The following MAP2 variants were observed in gnomAD, a reference collection of about 807,000 sequenced individuals.
The protein encoded by MAP2 is microtubule-associated protein 2.
In MAP2, 14 loss-of-function variants were observed where a neutral mutation model predicts 137.6. The ratio of observed to expected loss-of-function variants is 0.10; its 90% CI spans 0.07 to 0.16. The LOEUF (loss-of-function observed/expected upper bound fraction) is 0.16, where lower values mean the gene tolerates loss of function less well. Among genes scored for constraint, MAP2 ranks in the 10% least tolerant of loss-of-function variants. MAP2 has a pLI of 1.00. For missense variants in MAP2, 2,088 were observed against 2,191.5 expected, an observed-to-expected ratio of 0.95 and a Z score of 0.94; for synonymous variants, 786 against 782.3, an observed-to-expected ratio of 1.00 and a Z score of -0.08.
intron 2 of MAP2, among the ~76,000 whole-genome samples, chr2:209,555,955 G>A (rs915229255): frequency 1.3e-5 from 2 of 149,722 alleles, no homozygotes; most frequent in Admixed American, 6.6e-5. Flanking sequence ...AATGGTATTA[G>A]TTCTGGAAAA....
Position 209,631,026 on chromosome 2 carries a change from A to G in MAP2, c.-30+5897A>G, listed in dbSNP as rs1176060174. On this transcript the variant is annotated intron_variant, in intron 4 of 15. Coordinates refer to ENST00000682079, the MANE Select transcript of MAP2 (RefSeq NM_001375505.1). ...CAAGCAAAAAAAAAAAAAAAAAAAA[A>G]AAAAAAAAAGAGAGAGAGAGAGCGA... is the stretch of plus-strand genomic sequence containing the variant. Among the ~76,000 whole-genome samples the G allele has an allele frequency of 2.1e-4, 30 of 143,020 alleles. 1 individual carries two copies. Among genetic ancestry groups the G allele is most frequent in the African/African-American group, 7.8e-4 (30 of 38,484 alleles). The allele number at this position is 143,020 out of a possible 152,430, so 93.8% of individuals were successfully genotyped here.
At chr2:209,692,587 G>C in intron 7 of MAP2, 38 bp from the exon 8 acceptor site, 3 of 1,520,912 alleles carry the variant, frequency 2.0e-6, no homozygotes, top group Non-Finnish European at 2.6e-6. Context: ...GAACGCACTT[G>C]CCTATTATTT....
chr2:209,635,677 T>C (rs921686555), intron 4 of MAP2, among the ~76,000 whole-genome samples: 1 of 135,656 alleles, frequency 7.4e-6, no homozygotes, highest in East Asian at 2.1e-4. Flanking sequence ...TCAATTTATC[T>C]GCTAAAAAAA....
chr2:209,529,333 A>C (rs1476789428), intron 2 of MAP2, among the ~76,000 whole-genome samples: 6 of 152,196 alleles, frequency 3.9e-5, no homozygotes, highest in African/African-American at 1.4e-4. Context: ...AAACCGACTT[A>C]TAGTTAATGC....
At chr2:209,518,113 A>C (rs578224074) in intron 2 of MAP2, among the ~76,000 whole-genome samples, 3 of 152,186 alleles carry the variant, frequency 2.0e-5, no homozygotes, top group Admixed American at 1.3e-4. Context: ...GTGCAGTTCC[A>C]ATACAACTGA....
At chr2:209,555,669 T>C (rs138617647) in intron 2 of MAP2, among the ~76,000 whole-genome samples, 1 of 152,354 alleles carries the variant, frequency 6.6e-6, no homozygotes, top group African/African-American at 2.4e-5. Context: ...ATTTATCCAT[T>C]CAGCATTTGT....
chr2:209,473,950 T>C (rs1224149439), intron 1 of MAP2, among the ~76,000 whole-genome samples: 2 of 152,220 alleles, frequency 1.3e-5, no homozygotes, highest in African/African-American at 2.4e-5. Context: ...TAGCTTACTG[T>C]ATTTATTTGC....
chr2:209,615,031 G>T (rs988618236), intron 3 of MAP2, among the ~76,000 whole-genome samples: 1 of 152,060 alleles, frequency 6.6e-6, no homozygotes, highest in East Asian at 1.9e-4. Flanking sequence ...CTCTGGTGTG[G>T]TCCCCTTTCC....
intron 3 of MAP2, among the ~76,000 whole-genome samples, chr2:209,614,770 G>T (rs1252991743): frequency 6.6e-6 from 1 of 152,088 alleles, no homozygotes; most frequent in Non-Finnish European, 1.5e-5. Flanking sequence ...AAGGGGGAGG[G>T]GAGGGTGCCA....
At chr2:209,643,907 A>G (rs919479787) in intron 4 of MAP2, among the ~76,000 whole-genome samples, 10 of 152,172 alleles carry the variant, frequency 6.6e-5, no homozygotes, top group African/African-American at 2.4e-4. Context: ...TGACCTATCA[A>G]CATAGTTGCC....
At chr2:209,569,344 GAATA>G (rs563240415) in intron 2 of MAP2, among the ~76,000 whole-genome samples, 110 of 151,852 alleles carry the variant, frequency 7.2e-4, no homozygotes, top group African/African-American at 2.6e-3. Flanking sequence ...ATGCATGAAT[GAATA>G]TTTATTGAAT....
intron 1 of MAP2, among the ~76,000 whole-genome samples, chr2:209,491,860 A>G (rs2059153447): frequency 6.6e-6 from 1 of 152,234 alleles, no homozygotes; most frequent in Non-Finnish European, 1.5e-5. Context: ...AACTTATACC[A>G]GAAGTACAAA....
chr2:209,516,640 A>G (rs1027973312), intron 2 of MAP2, among the ~76,000 whole-genome samples: 6 of 152,172 alleles, frequency 3.9e-5, no homozygotes, highest in Non-Finnish European at 8.8e-5. Context: ...GTCAGTGAGC[A>G]GGACGTTTAA....
intron 1 of MAP2, among the ~76,000 whole-genome samples, chr2:209,497,246 G>T (rs2059858678): frequency 6.6e-6 from 1 of 152,184 alleles, no homozygotes; most frequent in Non-Finnish European, 1.5e-5. Context: ...CCCTAATCCA[G>T]TAGGGTTGGT....
intron 3 of MAP2, among the ~76,000 whole-genome samples, chr2:209,597,725 A>G (rs1303428464): frequency 6.6e-6 from 1 of 151,882 alleles, no homozygotes; most frequent in Non-Finnish European, 1.5e-5. Flanking sequence ...TCCTGCAGCT[A>G]TTGCATTTTT....
At chr2:209,500,372 C>A (rs1009611192) in intron 1 of MAP2, among the ~76,000 whole-genome samples, 5 of 152,154 alleles carry the variant, frequency 3.3e-5, no homozygotes, top group Non-Finnish European at 7.3e-5. Flanking sequence ...CCAAACACCC[C>A]CTGGGCTTTG....
At chr2:209,540,630 CAA>C (rs749183996) in intron 2 of MAP2, among the ~76,000 whole-genome samples, 4 of 27,588 alleles carry the variant, frequency 1.4e-4, no homozygotes, top group African/African-American at 5.4e-4. Flanking sequence ...GACTCCGTCT[CAA>C]AAAAAAAAAA....
At chr2:209,509,765 G>A (rs1443867164) in intron 2 of MAP2, among the ~76,000 whole-genome samples, 1 of 151,848 alleles carries the variant, frequency 6.6e-6, no homozygotes, top group Non-Finnish European at 1.5e-5. Flanking sequence ...AAAATAACTA[G>A]TGTTGCCAGA....
chr2:209,717,261 C>G (rs142819946), intron 13 of MAP2, among the ~76,000 whole-genome samples: 243 of 152,224 alleles, frequency 1.6e-3, no homozygotes, highest in Non-Finnish European at 2.7e-3. Flanking sequence ...GGAACTTTCA[C>G]TCTCTCTCCT....
Sources: gnomAD v4.1 joint callset for allele counts (sites outside exome capture counted in the v4.1 genomes callset) on GRCh38, gnomAD v4.1.1 for gene constraint, MANE v1.5 for transcripts, NCBI Gene and HGNC (gene_info 2026-07-23, HGNC 2026-07-21) for gene names.